The following GPC5 variants were observed in gnomAD, a reference collection of about 807,000 sequenced individuals.
GPC5 encodes glypican 5.
Under a neutral mutation model 53.9 loss-of-function variants are expected in GPC5, and 47 were observed. That is an observed-to-expected ratio of 0.87 (90% CI 0.69 to 1.11). The LOEUF is 1.11. Ranked by LOEUF, GPC5 falls within the 50% of genes most tolerant of loss-of-function variation. The pLI is 0.00. For missense variants in GPC5, 748 were observed against 713.1 expected, an observed-to-expected ratio of 1.05 and a Z score of -0.56; for synonymous variants, 286 against 263.3, an observed-to-expected ratio of 1.09 and a Z score of -0.84.
intron 7 of GPC5, among the ~76,000 whole-genome samples, chr13:92,606,646 A>G (rs183850330): frequency 4.8e-4 from 73 of 152,316 alleles, no homozygotes; most frequent in Non-Finnish European, 7.9e-4. Flanking sequence ...TTTTTAGAGT[A>G]TGACAGTTCT....
intron 2 of GPC5, among the ~76,000 whole-genome samples, chr13:91,622,859 T>A (rs1373999794): frequency 6.6e-6 from 1 of 152,178 alleles, no homozygotes; most frequent in East Asian, 1.9e-4. Flanking sequence ...CCTGTTTGGC[T>A]GGTAGTTTAT....
chr13:91,870,468 C>G (rs1217868587), intron 5 of GPC5, among the ~76,000 whole-genome samples: 1 of 152,124 alleles, frequency 6.6e-6, no homozygotes, highest in Non-Finnish European at 1.5e-5. Context: ...TAAGGGCTAG[C>G]CTTTATCCTT....
At chr13:92,718,066 A>G (rs759637355) in intron 7 of GPC5, among the ~76,000 whole-genome samples, 48 of 152,206 alleles carry the variant, frequency 3.2e-4, no homozygotes, top group Non-Finnish European at 6.0e-4. Flanking sequence ...GCTGATAAGG[A>G]TGTGGAGAAA....
intron 5 of GPC5, among the ~76,000 whole-genome samples, chr13:91,842,428 C>T (rs1041206874): frequency 6.7e-6 from 1 of 148,956 alleles, no homozygotes; most frequent in Admixed American, 6.8e-5. Context: ...TTTAGCCGGG[C>T]GCGGTGGCTC....
chr13:91,400,926 G>A (rs1182725503), intron 1 of GPC5, among the ~76,000 whole-genome samples: 1 of 152,144 alleles, frequency 6.6e-6, no homozygotes, highest in Non-Finnish European at 1.5e-5. Context: ...TGATACACAT[G>A]ACACACAAAA....
In GPC5 at chr13:91,478,822, T is replaced by TACACACAC. The variant is rs1194096313; in HGVS notation, c.325+29906_325+29913dup. The stretch of plus-strand genomic sequence containing the variant: ...ATATATATATATATATATATATATA[T>TACACACAC]ACACACACACACATATATATACACA... On this transcript the variant is annotated intron_variant, in intron 2 of 7. Coordinates refer to ENST00000377067, the MANE Select transcript of GPC5 (RefSeq NM_004466.6). Among the ~76,000 whole-genome samples, 149 of 92,124 alleles carry TACACACAC rather than the reference T, an allele frequency of 1.6e-3. 6 individuals carry two copies. The highest frequency in any genetic ancestry group is 7.4e-3 in the African/African-American group (143 of 19,318). The allele number at this position is 92,124 out of a possible 152,430, so 60.4% of individuals were successfully genotyped here. A position where few individuals can be genotyped will look rare whatever the true frequency, so the allele number is the denominator to read the frequency against.
In GPC5 at chr13:91,907,947, C is replaced by T. The variant is rs76285944; in HGVS notation, c.1291C>T (p.Arg431Cys). The T allele has an allele frequency of 5.0e-6, 8 of 1,594,598 alleles. No homozygotes were observed. The highest frequency in any genetic ancestry group is 2.2e-5 in the South Asian group (2 of 90,932). Residue 431 changes from arginine to cysteine, a missense_variant, in exon 6 of 8, where the codon CGT (arginine) becomes TGT (cysteine). Coordinates refer to ENST00000377067, the MANE Select transcript of GPC5 (RefSeq NM_004466.6). Reference protein sequence around the residue: ...GEDIVKSYTQRVVGNGIKAQS... With the variant: ...GEDIVKSYTQCVVGNGIKAQS... ...CATTTCCCTTGCTAGTTATACTCAGCGTGTGGTTGGAAATGGAATCAAAGC... is the reference window on the plus strand; with the variant it reads ...CATTTCCCTTGCTAGTTATACTCAGTGTGTGGTTGGAAATGGAATCAAAGC...
chr13:91,748,432 T>G (rs1331499574), intron 4 of GPC5, among the ~76,000 whole-genome samples: 2 of 152,196 alleles, frequency 1.3e-5, no homozygotes, highest in Non-Finnish European at 2.9e-5. Context: ...CCTGTGCACT[T>G]AAAGAACTTT....
chr13:92,489,225 A>G (rs1879668947), intron 7 of GPC5, among the ~76,000 whole-genome samples: 1 of 152,184 alleles, frequency 6.6e-6, no homozygotes, highest in South Asian at 2.1e-4. Context: ...CTTCATTTTC[A>G]TGTACATTTT....
chr13:92,747,007 G>C (rs117349244), intron 7 of GPC5, among the ~76,000 whole-genome samples: 18 of 152,044 alleles, frequency 1.2e-4, no homozygotes, highest in African/African-American at 4.3e-4. Flanking sequence ...ATTACATAGC[G>C]CAGGCAATTG....
At chr13:92,518,194 A>G (rs1056351245) in intron 7 of GPC5, among the ~76,000 whole-genome samples, 2 of 152,182 alleles carry the variant, frequency 1.3e-5, no homozygotes, top group African/African-American at 4.8e-5. Flanking sequence ...CCAAGTTGGA[A>G]AACACTCTTC....
chr13:91,537,535 A>G (rs139962773), intron 2 of GPC5, among the ~76,000 whole-genome samples: 2 of 152,228 alleles, frequency 1.3e-5, no homozygotes, highest in Non-Finnish European at 2.9e-5. Flanking sequence ...AAGCAAAAAA[A>G]GTCCCATAAA....
intron 7 of GPC5, among the ~76,000 whole-genome samples, chr13:92,460,199 T>C (rs1374342337): frequency 6.6e-6 from 1 of 152,154 alleles, no homozygotes; most frequent in Admixed American, 6.5e-5. Flanking sequence ...ACAAAACCAA[T>C]TACAGTGCAT....
intron 5 of GPC5, among the ~76,000 whole-genome samples, chr13:91,770,740 A>G (rs931804666): frequency 8.5e-4 from 62 of 73,234 alleles, no homozygotes; most frequent in East Asian, 7.2e-3. Flanking sequence ...GTGTGTGTGT[A>G]TGCATATGCA....
chr13:91,953,689 A>G (rs773227267), intron 6 of GPC5, among the ~76,000 whole-genome samples: 3 of 152,218 alleles, frequency 2.0e-5, no homozygotes, highest in Non-Finnish European at 2.9e-5. Flanking sequence ...GGGAGGTCCA[A>G]GATCAATGTG....
Position 92,580,598 on chromosome 13 carries a change from A to G in GPC5, c.1562-285684A>G, listed in dbSNP as rs374178156. On this transcript the variant is annotated intron_variant, in intron 7 of 7. Coordinates refer to ENST00000377067, the MANE Select transcript of GPC5 (RefSeq NM_004466.6). The stretch of plus-strand genomic sequence containing the variant: ...TACAGGAGGAATGGCACCAGCATCT[A>G]CTTGGCTTTTCGAGAGGCCTCAGGG... Among the ~76,000 whole-genome samples, 8 of 152,268 alleles carry G rather than the reference A, an allele frequency of 5.3e-5. No individual in the cohort carries two copies. In the East Asian group the frequency reaches 1.2e-3, roughly 22 times the overall value.
intron 5 of GPC5, among the ~76,000 whole-genome samples, chr13:91,835,588 C>T (rs1266677290): frequency 3.9e-5 from 6 of 152,096 alleles, no homozygotes; most frequent in African/African-American, 9.7e-5. Flanking sequence ...TTTGCAGGGA[C>T]GTGCATGAAG....
At chr13:91,565,413 A>C (rs1233466375) in intron 2 of GPC5, among the ~76,000 whole-genome samples, 2 of 152,226 alleles carry the variant, frequency 1.3e-5, no homozygotes, top group East Asian at 3.8e-4. Flanking sequence ...TTTGGAATTT[A>C]TACTGCTTAA....
chr13:92,642,335 A>G (rs193015022), intron 7 of GPC5, among the ~76,000 whole-genome samples: 4,203 of 152,266 alleles, frequency 0.028, 192 homozygotes, highest in African/African-American at 0.095. Context: ...ACCTTTCATA[A>G]AAATCCATCC....
Sources: gnomAD v4.1 joint callset for allele counts (sites outside exome capture counted in the v4.1 genomes callset) on GRCh38, gnomAD v4.1.1 for gene constraint, MANE v1.5 for transcripts, NCBI Gene and HGNC (gene_info 2026-07-23, HGNC 2026-07-21) for gene names.